The following OXNAD1 variants were observed in gnomAD, a reference collection of about 807,000 sequenced individuals.
OXNAD1 encodes the protein oxidoreductase NAD binding domain containing 1.
In OXNAD1, 34 loss-of-function variants were observed where a neutral mutation model predicts 32.9. That is an observed-to-expected ratio of 1.03 (90% confidence interval 0.79 to 1.38). The LOEUF (loss-of-function observed/expected upper bound fraction) is 1.38. OXNAD1 is among the 40% of genes most tolerant of loss of function. OXNAD1 has a pLI of 0.00. For synonymous variants in OXNAD1, 134 were observed against 135.2 expected, an observed-to-expected ratio of 0.99 and a Z score of 0.06; for missense variants, 407 against 379.4, an observed-to-expected ratio of 1.07 and a Z score of -0.60.
chr3:16,294,065 G>A (rs2066600541), intron 5 of OXNAD1, among the ~76,000 whole-genome samples: 3 of 152,144 alleles, frequency 2.0e-5, no homozygotes, highest in African/African-American at 4.8e-5. Context: ...TCTGGCTTTG[G>A]TATGAGGGTA....
intron 9 of OXNAD1, among the ~76,000 whole-genome samples, chr3:16,326,173 TG>T (rs1385887158): frequency 6.6e-6 from 1 of 152,252 alleles, no homozygotes; most frequent in Non-Finnish European, 1.5e-5. Flanking sequence ...TTGGTGTGAC[TG>T]GGCTCAAGGG....
At position 16,336,466 on chromosome 3, in the gene OXNAD1, C is replaced by G. The variant is rs985549301; in HGVS notation, c.*31-646C>G. ...AGCCAGCACAGCTGGCCTTCCTCAC[C>G]CTCAGCCTCCCAGGCCTCTGCGGGA... On this transcript the variant is annotated intron_variant, in intron 9 of 9. Transcript: ENST00000435829. This position sits in a 1 kb window ranked among gnomAD's most constrained non-coding sequence, Gnocchi z 6.0. 6.6e-6 allele frequency among the ~76,000 whole-genome samples: 1 copy of G among 152,206 alleles called. No homozygotes were observed. Among genetic ancestry groups the G allele is most frequent in the African/African-American group, 2.4e-5 (1 of 41,448 alleles).
chr3:16,331,479 T>C (rs1020489139), intron 9 of OXNAD1, among the ~76,000 whole-genome samples: 1 of 152,242 alleles, frequency 6.6e-6, no homozygotes, highest in Non-Finnish European at 1.5e-5. Flanking sequence ...TAATGCACTA[T>C]GACCATGCCT....
intron 9 of OXNAD1, among the ~76,000 whole-genome samples, chr3:16,328,890 C>T (rs529311726): frequency 3.9e-4 from 60 of 152,128 alleles, no homozygotes; most frequent in Non-Finnish European, 6.9e-4. Context: ...CATCATTCTC[C>T]ATGAGAAAAA....
intron 1 of OXNAD1, among the ~76,000 whole-genome samples, chr3:16,268,111 G>T (rs912663861): frequency 3.3e-5 from 5 of 152,090 alleles, no homozygotes; most frequent in Admixed American, 2.6e-4. Flanking sequence ...TTGATTAAAT[G>T]CTTACAGTAT....
downstream of OXNAD1, among the ~76,000 whole-genome samples, chr3:16,309,627 G>A (rs537078376): frequency 1.3e-5 from 2 of 152,126 alleles, 1 homozygote; most frequent in South Asian, 4.1e-4. Flanking sequence ...CTGTCTTAGA[G>A]ACTATAGAAG....
Position 16,329,999 on chromosome 3 carries a change from C to T in OXNAD1, c.*31-7113C>T, listed in dbSNP as rs984097154. On this transcript the variant is annotated intron_variant, in intron 9 of 9. Transcript: ENST00000435829. This position sits in a 1 kb window ranked among gnomAD's most constrained non-coding sequence, Gnocchi z 4.5. ...CAAACCGGCTGCTTCTATTTTGCTCCGTTTTATTTCATTTTGTCACTCTCT... is the reference window on the plus strand; with the variant it reads ...CAAACCGGCTGCTTCTATTTTGCTCTGTTTTATTTCATTTTGTCACTCTCT... Among the ~76,000 whole-genome samples, 2 of 152,156 alleles carry T rather than the reference C, an allele frequency of 1.3e-5. No homozygotes were observed. Among genetic ancestry groups the T allele is most frequent in the Admixed American group, 6.5e-5 (1 of 15,268 alleles).
In OXNAD1 at chr3:16,314,519, C is replaced by T. The variant is rs1575194037; in HGVS notation, c.*30+10927C>T. The T allele has an allele frequency of 9.2e-5, 14 of 152,292 alleles. 1 individual carries two copies. The South Asian group carries it at 2.9e-3, about 32-fold the overall frequency. 9.4% of individuals were successfully genotyped at this position (152,292 alleles called of 1,614,324 possible). The stretch of plus-strand genomic sequence containing the variant: ...CACAAGCTCTGCAGGCGAGCCCCGG[C>T]ATCAGGATTTTGTATAGCTTCCTCA... On this transcript the variant is annotated intron_variant, in intron 9 of 9. Coordinates refer to the OXNAD1 transcript ENST00000435829. This position sits in a 1 kb window ranked among gnomAD's most constrained non-coding sequence, Gnocchi z 4.4.
At chr3:16,279,920 G>A (rs975620030) in intron 4 of OXNAD1, among the ~76,000 whole-genome samples, 9 of 152,194 alleles carry the variant, frequency 5.9e-5, no homozygotes, top group African/African-American at 2.2e-4. Context: ...CAGAGAAATG[G>A]GGTGAAAGCT....
At chr3:16,270,825 A>G in intron 2 of OXNAD1, 120 bp from the exon 3 acceptor site, 6 of 1,424,950 alleles carry the variant, frequency 4.2e-6, no homozygotes, top group Non-Finnish European at 5.6e-6. Flanking sequence ...TTTGGTGGTA[A>G]CTTGACTCAT....
In OXNAD1 at chr3:16,317,159, CT is replaced by C; in HGVS notation, c.*30+13568del. The C allele has an allele frequency of 6.2e-7, 1 of 1,613,710 alleles. No homozygotes were observed. The highest frequency in any genetic ancestry group is 8.5e-7 in the Non-Finnish European group (1 of 1,179,994). On this transcript the variant is annotated intron_variant, in intron 9 of 9. Transcript: ENST00000435829. The surrounding 1 kb of genome is among the most constrained non-coding windows in gnomAD (Gnocchi z 4.3). ...ATTTTCTTCTGCTTGTTGTTTGTCT[CT>C]GGCACTGAGTTTACCTTTTGATTTC...
chr3:16,290,021 G>C lies in OXNAD1; in HGVS notation c.290+3573G>C, dbSNP rs910138931. On this transcript the variant is annotated intron_variant, in intron 5 of 8. Transcript: ENST00000285083. This position sits in a 1 kb window ranked among gnomAD's most constrained non-coding sequence, Gnocchi z 4.2. ...GTTTGCATTAAGTGAATGAGTGAGG[G>C]GCTCTGAGAACTGTAGGCAAGGACT... Among the ~76,000 whole-genome samples the C allele has an allele frequency of 6.6e-6, 1 of 152,116 alleles. No individual in the cohort carries two copies. The highest frequency in any genetic ancestry group is 1.5e-5 in the Non-Finnish European group (1 of 68,022).
chr3:16,339,305 C>G (rs1315622954), downstream of OXNAD1: 2 of 152,276 alleles, frequency 1.3e-5, no homozygotes, highest in Non-Finnish European at 2.9e-5. Context: ...TCCTTATGCT[C>G]TGCTCTTATT....
At position 16,334,098 on chromosome 3, in the gene OXNAD1, G is replaced by A. The variant is rs907989506; in HGVS notation, c.*31-3014G>A. 1.3e-5 allele frequency among the ~76,000 whole-genome samples: 2 copies of A among 152,234 alleles called. No individual in the cohort carries two copies. The highest frequency in any genetic ancestry group is 2.9e-5 in the Non-Finnish European group (2 of 68,040). The stretch of plus-strand genomic sequence containing the variant: ...GAGAATGGCTTGAACCTAGGAGGCA[G>A]AAGCTGCAGTGAGCCGAGATCGTGC... On this transcript the variant is annotated intron_variant, in intron 9 of 9. Coordinates refer to the OXNAD1 transcript ENST00000435829. The surrounding 1 kb of genome is among the most constrained non-coding windows in gnomAD (Gnocchi z 4.3).
At position 16,335,561 on chromosome 3, in the gene OXNAD1, GGTGAAAACACAT is replaced by G. The variant is rs1197835222; in HGVS notation, c.*31-1537_*31-1526del. On this transcript the variant is annotated intron_variant, in intron 9 of 9. Coordinates refer to the OXNAD1 transcript ENST00000435829. This position sits in a 1 kb window ranked among gnomAD's most constrained non-coding sequence, Gnocchi z 4.7. ...TCACTTACAAGTGGGAGAGCTGAAC[GGTGAAAACACAT>G]GTGAAAACACATGGACACATGGTGG... Among the ~76,000 whole-genome samples, 8 of 152,248 alleles carry G rather than the reference GGTGAAAACACAT, an allele frequency of 5.3e-5. No homozygotes were observed. The highest frequency in any genetic ancestry group is 1.3e-4 in the Admixed American group (2 of 15,270).
At chr3:16,267,326 C>T (rs1289421273) in intron 1 of OXNAD1, among the ~76,000 whole-genome samples, 2 of 152,156 alleles carry the variant, frequency 1.3e-5, no homozygotes, top group African/African-American at 4.8e-5. Flanking sequence ...TTGAGCAGTC[C>T]TTTAAAAATA....
Position 16,326,696 on chromosome 3 carries a change from G to A in OXNAD1, c.*31-10416G>A, listed in dbSNP as rs544519382. 1.3e-4 allele frequency: 132 copies of A among 1,053,812 alleles called. 1 individual carries two copies. The highest frequency in any genetic ancestry group is 6.1e-4 in the Middle Eastern group (3 of 4,932). The allele number at this position is 1,053,812 out of a possible 1,614,324, so 65.3% of individuals were successfully genotyped here. ...GCACAGGATTAAATAATTTATAGACGTGAGGTGCTCATTAGGAACAGTGAC... is the reference window on the plus strand; with the variant it reads ...GCACAGGATTAAATAATTTATAGACATGAGGTGCTCATTAGGAACAGTGAC... On this transcript the variant is annotated intron_variant, in intron 9 of 9. Transcript: ENST00000435829.
chr3:16,280,691 T>C lies in OXNAD1; in HGVS notation c.184-5651T>C, dbSNP rs551487566. The stretch of plus-strand genomic sequence containing the variant: ...ATGAACAGGAGTGAACAGGGAAAGC[T>C]AGCCAGGTTTCCAAAGAAATACCTA... On this transcript the variant is annotated intron_variant, in intron 4 of 8. Coordinates refer to ENST00000285083, the MANE Select transcript of OXNAD1 (RefSeq NM_138381.5). This position sits in a 1 kb window ranked among gnomAD's most constrained non-coding sequence, Gnocchi z 4.5. Among the ~76,000 whole-genome samples the C allele has an allele frequency of 6.6e-6, 1 of 152,306 alleles. No homozygotes were observed. Among genetic ancestry groups the C allele is most frequent in the African/African-American group, 2.4e-5 (1 of 41,560 alleles).
intron 2 of OXNAD1, 32 bp from the exon 3 acceptor site, chr3:16,270,912 AC>A (rs755671310): frequency 1.9e-6 from 3 of 1,613,164 alleles, no homozygotes; most frequent in Middle Eastern, 1.7e-4. Context: ...TTTTAAAAAA[AC>A]AATTTGAAAT....
Sources: gnomAD v4.1 joint callset for allele counts (sites outside exome capture counted in the v4.1 genomes callset) on GRCh38, gnomAD v4.1.1 for gene constraint, Gnocchi (gnomAD v3.1) non-coding constraint, MANE v1.5 for transcripts, NCBI Gene and HGNC (gene_info 2026-07-23, HGNC 2026-07-21) for gene names.